Variants in CHPT1 observed in about 807,000 individuals in gnomAD.
CHPT1 encodes cholinephosphotransferase 1.
In CHPT1, 36 loss-of-function variants were observed where a neutral mutation model predicts 47.6. The observed-to-expected ratio is 0.76, with a 90% CI of 0.58 to 1.00. The LOEUF is 1.00. Among genes scored for constraint, CHPT1 ranks in the 50% least tolerant of loss-of-function variants. The probability of loss-of-function intolerance (pLI) is 0.00; values close to 1 mark genes in which losing one functional copy is unlikely to be tolerated. For missense variants in CHPT1, 458 were observed against 498.1 expected (o/e 0.92, Z 0.77); for synonymous variants, 194 against 186.3 (o/e 1.04, Z -0.33).
chr12:101,718,240 C>T (rs1268184877), intron 4 of CHPT1, among the ~76,000 whole-genome samples: 2 of 152,158 alleles, frequency 1.3e-5, no homozygotes, highest in Non-Finnish European at 2.9e-5. Flanking sequence ...GAATGTGTAA[C>T]ACCAAGATTG....
rs1442191648 is a variant in CHPT1, at chr12:101,712,834, C to T, written c.274-1256C>T. Reference sequence around the variant, plus strand: ...TTTATAATAACTATTTTGATATCCTCATCTGCTAATTCTATTACTTCTGTT... The same window carrying T: ...TTTATAATAACTATTTTGATATCCTTATCTGCTAATTCTATTACTTCTGTT... On this transcript the variant is annotated intron_variant, in intron 1 of 8. Coordinates refer to ENST00000229266, the MANE Select transcript of CHPT1 (RefSeq NM_020244.3). 1.3e-5 allele frequency among the ~76,000 whole-genome samples: 2 copies of T among 148,800 alleles called. 1 individual carries two copies. The highest frequency in any genetic ancestry group is 3.0e-5 in the Non-Finnish European group (2 of 66,542).
intron 7 of CHPT1, among the ~76,000 whole-genome samples, chr12:101,725,565 G>A (rs138768202): frequency 1.6e-3 from 238 of 151,762 alleles, no homozygotes; most frequent in Middle Eastern, 3.4e-3. Flanking sequence ...ACCTGTGATG[G>A]AGACTGGTAA....
At chr12:101,700,824 A>G (rs1951544733) in intron 1 of CHPT1, among the ~76,000 whole-genome samples, 1 of 152,202 alleles carries the variant, frequency 6.6e-6, no homozygotes, top group Admixed American at 6.5e-5. Context: ...ATATGTTTTC[A>G]TAAGAGGAAA....
At chr12:101,726,900 T>C (rs954783102) in intron 8 of CHPT1, 16 of 154,670 alleles carry the variant, frequency 1.0e-4, no homozygotes, top group Admixed American at 2.0e-4. Context: ...AAATTTTTTA[T>C]ACTAATCATT....
chr12:101,722,434 C>T (rs1231031900), intron 5 of CHPT1, among the ~76,000 whole-genome samples: 1 of 152,066 alleles, frequency 6.6e-6, no homozygotes, highest in Non-Finnish European at 1.5e-5. Context: ...TTAGGATAAG[C>T]AGTGCCGAGA....
intron 1 of CHPT1, among the ~76,000 whole-genome samples, chr12:101,712,972 A>T (rs905764665): frequency 1.3e-5 from 2 of 148,352 alleles, no homozygotes; most frequent in African/African-American, 4.9e-5. Flanking sequence ...AAACCTTGTG[A>T]ATTTTACCTT....
At position 101,697,826 on chromosome 12, in the gene CHPT1, T is replaced by C. The variant is rs1314825369; in HGVS notation, c.-36T>C. 5.7e-6 allele frequency: 5 copies of C among 883,788 alleles called. No homozygotes were observed. In the African/African-American group the frequency reaches 7.3e-5, roughly 13 times the overall value. 54.7% of individuals were successfully genotyped at this position (883,788 alleles called of 1,614,324 possible). On this transcript the variant is annotated 5_prime_UTR_variant, in exon 1 of 9. Coordinates refer to ENST00000229266, the MANE Select transcript of CHPT1 (RefSeq NM_020244.3). Reference sequence around the variant, plus strand: ...CCTGCCCCCAGCGCCAGGCGCGGGCTGCGCTCGGTGGCGGCGGCGGGGCCC... The same window carrying C: ...CCTGCCCCCAGCGCCAGGCGCGGGCCGCGCTCGGTGGCGGCGGCGGGGCCC...
intron 1 of CHPT1, among the ~76,000 whole-genome samples, chr12:101,709,861 G>C (rs1253461269): frequency 6.7e-6 from 1 of 148,754 alleles, no homozygotes; most frequent in Non-Finnish European, 1.5e-5. Flanking sequence ...TGTGTGGCCT[G>C]TGGTAGGATA....
At chr12:101,712,067 G>A (rs1951706842) in intron 1 of CHPT1, among the ~76,000 whole-genome samples, 1 of 148,530 alleles carries the variant, frequency 6.7e-6, no homozygotes, top group South Asian at 2.1e-4. Context: ...CTGTCACCCA[G>A]GCTGGAGTAC....
chr12:101,697,960 C>T lies in CHPT1; in HGVS notation c.99C>T (p.Arg33=), dbSNP rs773758736. ...AAQLRRLEEH[R]YSAAGVSLLE... ...AGCTGCGGCGACTGGAGGAGCACCGCTACAGCGCGGCGGGCGTCTCGCTGC... is the reference window on the plus strand; with the variant it reads ...AGCTGCGGCGACTGGAGGAGCACCGTTACAGCGCGGCGGGCGTCTCGCTGC... Residue 33 remains arginine (R), a synonymous_variant, in exon 1 of 9, where the codon CGC becomes CGT. Transcript: ENST00000229266. 6.4e-7 allele frequency: 1 copy of T among 1,554,956 alleles called. No homozygotes were observed. The highest frequency in any genetic ancestry group is 1.8e-5 in the Admixed American group (1 of 55,080).
In CHPT1 at chr12:101,698,167, A is replaced by C. The variant is rs774824332; in HGVS notation, c.273+33A>C. Reference sequence around the variant, plus strand: ...TGGCCGATCGCCCGAGCCGGGCCCCAGATGCGCTGCGGGCGGGTCGCTGGA... The same window carrying C: ...TGGCCGATCGCCCGAGCCGGGCCCCCGATGCGCTGCGGGCGGGTCGCTGGA... On this transcript the variant is annotated intron_variant, in intron 1 of 8. Transcript: ENST00000229266. 3.1e-5 allele frequency: 43 copies of C among 1,402,944 alleles called. No homozygotes were observed. In the African/African-American group the frequency reaches 5.5e-4, roughly 18 times the overall value. The allele number at this position is 1,402,944 out of a possible 1,614,324, so 86.9% of individuals were successfully genotyped here.
intron 1 of CHPT1, among the ~76,000 whole-genome samples, chr12:101,706,166 A>G (rs1192115139): frequency 6.6e-6 from 1 of 151,680 alleles, no homozygotes; most frequent in Non-Finnish European, 1.5e-5. Flanking sequence ...CCTGACCAAC[A>G]TGGTGAAACC....
chr12:101,710,181 C>G (rs988187265), intron 1 of CHPT1, among the ~76,000 whole-genome samples: 1 of 147,952 alleles, frequency 6.8e-6, no homozygotes, highest in African/African-American at 2.4e-5. Context: ...CCTGTCTCTA[C>G]CAAAAATACA....
intron 1 of CHPT1, among the ~76,000 whole-genome samples, chr12:101,701,014 A>G (rs1951546992): frequency 6.6e-6 from 1 of 152,218 alleles, no homozygotes; most frequent in South Asian, 2.1e-4. Flanking sequence ...ATAGGCTTTA[A>G]TACTGAGTGC....
At chr12:101,728,804 T>C in intron 8 of CHPT1, 97 bp from the exon 9 acceptor site, 1 of 1,428,640 alleles carries the variant, frequency 7.0e-7, no homozygotes, top group Non-Finnish European at 9.7e-7. Flanking sequence ...GGTCTTACAA[T>C]GAAACAGGTT....
At chr12:101,700,014 C>T (rs1168649617) in intron 1 of CHPT1, among the ~76,000 whole-genome samples, 1 of 152,128 alleles carries the variant, frequency 6.6e-6, no homozygotes, top group Admixed American at 6.6e-5. Flanking sequence ...TGCGATGTGC[C>T]TAACAAATTA....
chr12:101,713,630 T>A (rs2137013994), intron 1 of CHPT1, among the ~76,000 whole-genome samples: 1 of 152,312 alleles, frequency 6.6e-6, no homozygotes, highest in African/African-American at 2.4e-5. Flanking sequence ...TTTTTTGTTT[T>A]TTGTTTTTTT....
chr12:101,699,278 A>G (rs2247117), intron 1 of CHPT1, among the ~76,000 whole-genome samples: 122,649 of 152,154 alleles, frequency 0.81, 49,763 homozygotes, highest in African/African-American at 0.9. Flanking sequence ...AGTAGATACA[A>G]GGTTTCACCA....
Position 101,697,751 on chromosome 12 carries a change from C to A in CHPT1, c.-111C>A. ...CGCCGTGCGGGCCCGACCGGTGAGT[C>A]CAGCCCGGCAGTCGCAGGACCCGGC... On this transcript the variant is annotated 5_prime_UTR_variant, in exon 1 of 9. Coordinates refer to ENST00000229266, the MANE Select transcript of CHPT1 (RefSeq NM_020244.3). 1 of 288,182 alleles carries A rather than the reference C, an allele frequency of 3.5e-6. No individual in the cohort carries two copies. Among genetic ancestry groups the A allele is most frequent in the Non-Finnish European group, 5.3e-6 (1 of 188,254 alleles). The allele number at this position is 288,182 out of a possible 1,614,324, so 17.9% of individuals were successfully genotyped here. A position where few individuals can be genotyped will look rare whatever the true frequency, so the allele number is the denominator to read the frequency against.
Sources: allele counts gnomAD v4.1 joint callset (sites outside exome capture counted in the v4.1 genomes callset), GRCh38; gene constraint gnomAD v4.1.1; transcripts MANE v1.5; gene names NCBI Gene and HGNC (gene_info 2026-07-23, HGNC 2026-07-21).